PLEKHG7: variants seen among roughly 807,000 people sequenced by gnomAD.
The protein encoded by PLEKHG7 is pleckstrin homology and RhoGEF domain containing G7.
PLEKHG7 carries 77 observed loss-of-function variants against 85.2 expected under a neutral mutation model. The observed-to-expected ratio is 0.90, with a 90% confidence interval of 0.75 to 1.09. The LOEUF (loss-of-function observed/expected upper bound fraction) is 1.09. PLEKHG7 is among the 50% of genes least tolerant of loss of function. PLEKHG7 has a pLI of 0.00. For synonymous variants in PLEKHG7, 301 were observed against 302.4 expected, an observed-to-expected ratio of 1.00 and a Z score of 0.05; for missense variants, 777 against 804.3, an observed-to-expected ratio of 0.97 and a Z score of 0.41.
chr12:92,723,231 G>T (rs1335943546), intron 3 of PLEKHG7, among the ~76,000 whole-genome samples: 2 of 152,146 alleles, frequency 1.3e-5, no homozygotes, highest in Admixed American at 1.3e-4. Flanking sequence ...AGTATATGTG[G>T]ATTGGGTTAT....
intron 3 of PLEKHG7, among the ~76,000 whole-genome samples, chr12:92,717,765 G>A (rs893299040): frequency 1.3e-5 from 2 of 152,146 alleles, no homozygotes; most frequent in Non-Finnish European, 2.9e-5. Flanking sequence ...ACACCATTGA[G>A]GTTTGTGTAA....
chr12:92,768,962 C>T, intron 15 of PLEKHG7, 21 bp from the exon 16 acceptor site: 1 of 1,489,960 alleles, frequency 6.7e-7, no homozygotes, highest in Admixed American at 1.9e-5. Context: ...GGCTTTTTGT[C>T]TTTGTAATAT....
intron 3 of PLEKHG7, among the ~76,000 whole-genome samples, chr12:92,715,481 G>GAAAACA (rs925621182): frequency 1.3e-5 from 2 of 151,958 alleles, no homozygotes; most frequent in African/African-American, 4.8e-5. Flanking sequence ...AACAAGAACT[G>GAAAACA]AAAACAAAAA....
chr12:92,762,024 A>AAATG (rs1286039947), intron 14 of PLEKHG7, among the ~76,000 whole-genome samples, 193 bp downstream of exon 14: 2 of 151,622 alleles, frequency 1.3e-5, no homozygotes, highest in African/African-American at 4.8e-5. Context: ...ATAAATAAAT[A>AAATG]AATGAAACCA....
In PLEKHG7 at chr12:92,707,156, C is replaced by T; in HGVS notation, c.507+18C>T. ...GTCCTCAGGTAACACAGCTCTAAGC[C>T]TCCGGCCTCTCAGTTGCTGAACCAC... is the stretch of plus-strand genomic sequence containing the variant. On this transcript the variant is annotated intron_variant, in intron 2 of 16. Coordinates refer to ENST00000344636, the MANE Select transcript of PLEKHG7 (RefSeq NM_001377329.1). 3.8e-6 allele frequency: 6 copies of T among 1,595,234 alleles called. No homozygotes were observed. Among genetic ancestry groups the T allele is most frequent in the Non-Finnish European group, 5.1e-6 (6 of 1,170,720 alleles).
rs542823088 is a variant in PLEKHG7, at chr12:92,762,624, A to G, written c.1716+793A>G. Among the ~76,000 whole-genome samples, 3 of 152,324 alleles carry G rather than the reference A, an allele frequency of 2.0e-5. No individual in the cohort carries two copies. In the South Asian group the frequency reaches 6.2e-4, roughly 32 times the overall value. ...TTCCTGAATGGTGTGTTTGAGTGGTATCAAGTAGAGAAGTTTATCTAAGGC... is the reference window on the plus strand; with the variant it reads ...TTCCTGAATGGTGTGTTTGAGTGGTGTCAAGTAGAGAAGTTTATCTAAGGC... On this transcript the variant is annotated intron_variant, in intron 14 of 16. Coordinates refer to ENST00000344636, the MANE Select transcript of PLEKHG7 (RefSeq NM_001377329.1).
chr12:92,736,089 G>T (rs541883693), intron 5 of PLEKHG7, among the ~76,000 whole-genome samples: 2 of 152,290 alleles, frequency 1.3e-5, no homozygotes, highest in East Asian at 3.9e-4. Context: ...GAACCAATAT[G>T]TCTGAGGTAC....
chr12:92,712,066 G>A (rs531360361), intron 3 of PLEKHG7, among the ~76,000 whole-genome samples: 1 of 152,314 alleles, frequency 6.6e-6, no homozygotes, highest in East Asian at 1.9e-4. Flanking sequence ...TACTGAGGTG[G>A]AAGTTTTCTG....
chr12:92,761,745 TC>T lies in PLEKHG7; in HGVS notation c.1637-5del. ...GTCCCCATTTCAGCTTCTCTTTTTT[TC>T]CTCAGAAAGCACGAGATTCCTAGAT... On this transcript the variant is annotated splice_polypyrimidine_tract_variant and splice_region_variant and intron_variant, in intron 13 of 16. Transcript: ENST00000344636. 3 of 1,559,112 alleles carry T rather than the reference TC, an allele frequency of 1.9e-6. No individual in the cohort carries two copies. Among genetic ancestry groups the T allele is most frequent in the Non-Finnish European group, 2.6e-6 (3 of 1,161,028 alleles).
chr12:92,703,097 G>A lies in PLEKHG7; in HGVS notation c.-197G>A, dbSNP rs1871127226. On this transcript the variant is annotated 5_prime_UTR_variant, in exon 1 of 17. Coordinates refer to ENST00000344636, the MANE Select transcript of PLEKHG7 (RefSeq NM_001377329.1). ...TTCTGAGGAGCCTCGGGACCCACCT[G>A]GGTGCAGTTGCCTTCAGGGACAGAC... The A allele has an allele frequency of 6.6e-6, 1 of 152,264 alleles. No homozygotes were observed. The highest frequency in any genetic ancestry group is 2.4e-5 in the African/African-American group (1 of 41,462). 9.4% of individuals were successfully genotyped at this position (152,264 alleles called of 1,614,324 possible). A position where few individuals can be genotyped will look rare whatever the true frequency, so the allele number is the denominator to read the frequency against.
intron 15 of PLEKHG7, among the ~76,000 whole-genome samples, chr12:92,765,024 A>G (rs1008773059): frequency 1.3e-5 from 2 of 152,060 alleles, no homozygotes; most frequent in Admixed American, 6.6e-5. Context: ...CGGAAAAGAG[A>G]AAGCGCTCAC....
intron 13 of PLEKHG7, 89 bp from the exon 14 acceptor site, chr12:92,761,663 A>AAAGAAAGAAAG (rs1359427979): frequency 7.6e-7 from 1 of 1,309,060 alleles, no homozygotes; most frequent in Non-Finnish European, 9.9e-7. Flanking sequence ...AGAAAGAAAG[A>AAAGAAAGAAAG]AAGAAAGAAA....
In PLEKHG7 at chr12:92,770,101, C is replaced by T; in HGVS notation, c.1982C>T (p.Ala661Val). Residue 661 changes from alanine to valine, a missense_variant, in exon 17 of 17, where the codon GCA (alanine) becomes GTA (valine). Coordinates refer to ENST00000344636, the MANE Select transcript of PLEKHG7 (RefSeq NM_001377329.1). The part of the protein sequence containing the change: ...QTENIKKTWM[A>V]QITTAISCFT... ...TTTTTTCAACAGAAAACATGGATGGCACAAATAACAACTGCAATTTCTTGC... is the reference window on the plus strand; with the variant it reads ...TTTTTTCAACAGAAAACATGGATGGTACAAATAACAACTGCAATTTCTTGC... 1 of 1,595,136 alleles carries T rather than the reference C, an allele frequency of 6.3e-7. No homozygotes were observed. Among genetic ancestry groups the T allele is most frequent in the Admixed American group, 1.8e-5 (1 of 56,452 alleles).
At chr12:92,732,170 C>T (rs1291172540) in intron 4 of PLEKHG7, 63 bp from the exon 5 acceptor site, 5 of 1,031,972 alleles carry the variant, frequency 4.8e-6, no homozygotes, top group Admixed American at 4.3e-5. Context: ...TAAAGCACTA[C>T]GATGATCTGT....
chr12:92,742,784 C>T (rs980029287), intron 9 of PLEKHG7, among the ~76,000 whole-genome samples: 65 of 152,018 alleles, frequency 4.3e-4, no homozygotes, highest in African/African-American at 1.6e-3. Flanking sequence ...TGGGGTTTCA[C>T]CATGTTGGTC....
intron 2 of PLEKHG7, chr12:92,707,350 C>CT: frequency 7.0e-7 from 1 of 1,428,900 alleles, no homozygotes; most frequent in Non-Finnish European, 9.1e-7. Flanking sequence ...ATCTCGCTCA[C>CT]TTTCTTCTGT....
chr12:92,725,155 TAGAC>T (rs1236211348), intron 3 of PLEKHG7, among the ~76,000 whole-genome samples: 1 of 152,086 alleles, frequency 6.6e-6, no homozygotes, highest in Non-Finnish European at 1.5e-5. Flanking sequence ...GACTAGGAGT[TAGAC>T]AGACTTGGGG....
At chr12:92,722,201 C>T (rs1445406209) in intron 3 of PLEKHG7, among the ~76,000 whole-genome samples, 4 of 152,032 alleles carry the variant, frequency 2.6e-5, no homozygotes, top group Non-Finnish European at 4.4e-5. Context: ...ATTCATCCAA[C>T]GATCCGAGCA....
At chr12:92,714,183 T>C (rs184671227) in intron 3 of PLEKHG7, among the ~76,000 whole-genome samples, 1 of 152,304 alleles carries the variant, frequency 6.6e-6, no homozygotes, top group East Asian at 1.9e-4. Flanking sequence ...TTATCTTGCC[T>C]GCCAACTGCC....
Sources: allele counts gnomAD v4.1 joint callset (sites outside exome capture counted in the v4.1 genomes callset), GRCh38; gene constraint gnomAD v4.1.1; transcripts MANE v1.5; gene names NCBI Gene and HGNC (gene_info 2026-07-23, HGNC 2026-07-21).